TNS1: variants seen among roughly 807,000 people sequenced by gnomAD.
TNS1 encodes the protein tensin-1.
A neutral mutation model predicts 168.6 loss-of-function variants in TNS1; 62 were observed. The observed-to-expected ratio is 0.37, with a 90% CI of 0.30 to 0.45. The LOEUF is 0.45. Ranked by LOEUF, TNS1 falls within the 20% of genes least tolerant of loss-of-function variation. TNS1 has a pLI of 1.00. For missense variants in TNS1, 2,240 were observed against 2,339.4 expected, an observed-to-expected ratio of 0.96 and a Z score of 0.88; for synonymous variants, 934 against 933.2, an observed-to-expected ratio of 1.00 and a Z score of -0.02.
Position 218,032,691 on chromosome 2 carries a change from G to A in TNS1, c.156+1129C>T, listed in dbSNP as rs1958907405. ...AGTGAGGCCCCAGGTGATGGGTGCA[G>A]GCTGCTCTTCCCTAAACCCCTGAAG... On this transcript the variant is annotated intron_variant, in intron 1 of 1. Transcript: ENST00000649572. The surrounding 1 kb of genome is among the most constrained non-coding windows in gnomAD (Gnocchi z 4.0). Among the ~76,000 whole-genome samples the A allele has an allele frequency of 6.6e-6, 1 of 152,156 alleles. No individual in the cohort carries two copies. The highest frequency in any genetic ancestry group is 1.5e-5 in the Non-Finnish European group (1 of 68,014).
At position 217,984,647 on chromosome 2, in the gene TNS1, C is replaced by A. The variant is rs565801071; in HGVS notation, c.149-5845G>T. On this transcript the variant is annotated intron_variant, in intron 2 of 32. Coordinates refer to ENST00000682258, the MANE Select transcript of TNS1 (RefSeq NM_001387777.1). Reference sequence around the variant, plus strand: ...GGGACTACAGGTGTGCACCACCACACCCAGCTATTTTATTTTTTTATTTTG... The same window carrying A: ...GGGACTACAGGTGTGCACCACCACAACCAGCTATTTTATTTTTTTATTTTG... Among the ~76,000 whole-genome samples, 6 of 151,918 alleles carry A rather than the reference C, an allele frequency of 3.9e-5. No individual in the cohort carries two copies. In the East Asian group the frequency reaches 1.2e-3, roughly 29 times the overall value.
intron 18 of TNS1, among the ~76,000 whole-genome samples, chr2:217,874,990 A>T (rs1950089685): frequency 6.6e-6 from 1 of 152,160 alleles, no homozygotes; most frequent in South Asian, 2.1e-4. Context: ...CTCATCCTCT[A>T]TGCACAACTT....
At chr2:217,974,476 C>T (rs2126036567) in intron 3 of TNS1, among the ~76,000 whole-genome samples, 1 of 152,282 alleles carries the variant, frequency 6.6e-6, no homozygotes, top group East Asian at 1.9e-4. Context: ...GGCACTCCTA[C>T]TATGGACTAG....
rs549685449 is a variant in TNS1 at position 217,905,882 on chromosome 2, C to A, written c.321+453G>T. ...CCCATCTCCCAGCCTCCTCCTGAACCAATAGCATCTAAGCCACACAGTGGA... is the reference window on the plus strand; with the variant it reads ...CCCATCTCCCAGCCTCCTCCTGAACAAATAGCATCTAAGCCACACAGTGGA... On this transcript the variant is annotated intron_variant, in intron 6 of 32. Transcript: ENST00000682258. Among the ~76,000 whole-genome samples the A allele has an allele frequency of 2.6e-5, 4 of 152,330 alleles. No individual in the cohort carries two copies. In the South Asian group the frequency reaches 8.3e-4, roughly 32 times the overall value.
chr2:217,936,262 C>T (rs1956603604), intron 3 of TNS1, among the ~76,000 whole-genome samples: 1 of 152,156 alleles, frequency 6.6e-6, no homozygotes, highest in East Asian at 1.9e-4. Context: ...GTAAAGGAGG[C>T]CCCCAAAGGA....
At chr2:217,919,759 G>A (rs1303093445) in intron 4 of TNS1, among the ~76,000 whole-genome samples, 1 of 152,348 alleles carries the variant, frequency 6.6e-6, no homozygotes, top group South Asian at 2.1e-4. Context: ...GGGCTTAGAG[G>A]CAGAACAGAG....
intron 19 of TNS1, among the ~76,000 whole-genome samples, chr2:217,846,953 G>A (rs992327138): frequency 9.2e-5 from 14 of 152,212 alleles, no homozygotes; most frequent in South Asian, 2.1e-4. Context: ...ATACCCTCTC[G>A]GACTCTTTCA....
chr2:217,850,526 G>T (rs1947317788), intron 18 of TNS1: 2 of 984,576 alleles, frequency 2.0e-6, no homozygotes, highest in African/African-American at 3.5e-5. Flanking sequence ...CCCGCCCAGA[G>T]GAACTCAGTG....
chr2:217,966,011 C>T lies in TNS1; in HGVS notation c.186+12754G>A, dbSNP rs1957618687. 2.7e-5 allele frequency among the ~76,000 whole-genome samples: 4 copies of T among 150,940 alleles called. No homozygotes were observed. The South Asian group carries it at 8.4e-4, about 32-fold the overall frequency. On this transcript the variant is annotated intron_variant, in intron 3 of 32. Transcript: ENST00000682258. ...ACCAGGACCCCAGGACTTTCCTCTC[C>T]TCTCTCTCTCTCTCCATTCTCCATC...
chr2:217,821,808 C>T lies in TNS1; in HGVS notation c.3504G>A (p.Gly1168=), dbSNP rs780179865. The T allele has an allele frequency of 2.6e-6, 4 of 1,551,326 alleles. No homozygotes were observed. In the South Asian group the frequency reaches 4.9e-5, roughly 19 times the overall value. ...AYGHEIPLRN[G]TLGGSFVSPS... is the part of the protein sequence containing the mutation. The stretch of plus-strand genomic sequence containing the variant: ...GGGAGACAAAGGAGCCACCCAGGGT[C>T]CCGTTCCTCAGGGGTATCTCATGGC... The change falls in exon 23 of 33, where the codon GGG becomes GGA. Residue 1168 remains glycine, a synonymous_variant. Transcript: ENST00000682258.
At chr2:217,886,757 C>T (rs1951242456) in intron 12 of TNS1, 111 bp from the exon 13 acceptor site, 4 of 820,734 alleles carry the variant, frequency 4.9e-6, no homozygotes, top group Non-Finnish European at 8.0e-6. Context: ...ACTCTACCCT[C>T]TCCCCAACCA....
intron 19 of TNS1, among the ~76,000 whole-genome samples, chr2:217,839,869 G>A (rs927619684): frequency 1.3e-5 from 2 of 152,246 alleles, no homozygotes; most frequent in African/African-American, 2.4e-5. Context: ...GGATCCGGGA[G>A]GCCACCTGCT....
chr2:217,818,797 A>G, intron 23 of TNS1, 38 bp from the exon 24 acceptor site: 1 of 1,528,356 alleles, frequency 6.5e-7, no homozygotes, highest in Non-Finnish European at 8.9e-7. Context: ...CAGTGGACAG[A>G]ACTGAATGAA....
Position 217,818,462 on chromosome 2 carries a change from G to A in TNS1, c.3870C>T (p.Gly1290=), listed in dbSNP as rs1942282266. 6.2e-7 allele frequency: 1 copy of A among 1,614,162 alleles called. No homozygotes were observed. The highest frequency in any genetic ancestry group is 2.2e-5 in the East Asian group (1 of 44,884). The change falls in exon 24 of 33, where the codon GGC becomes GGT. Residue 1290 remains glycine, a synonymous_variant. Transcript: ENST00000682258. The stretch of plus-strand genomic sequence containing the variant: ...AGCCAGGACTAGGGGGAGTGTTGGT[G>A]CCCACTGTTCTGTGGCGCGCCTGAG... ...GSPQARHRTV[G]TNTPPSPGFG...
At position 217,803,798 on chromosome 2, in the gene TNS1, C is replaced by T. The variant is rs959252526; in HGVS notation, c.*661G>A. On this transcript the variant is annotated 3_prime_UTR_variant, in exon 33 of 33. Coordinates refer to ENST00000682258, the MANE Select transcript of TNS1 (RefSeq NM_001387777.1). Reference sequence around the variant, plus strand: ...CATGTGTGTCTACAAACACATGGGACAAGGACAAGCCGAGCTGTTTATAAT... The same window carrying T: ...CATGTGTGTCTACAAACACATGGGATAAGGACAAGCCGAGCTGTTTATAAT... 1 of 152,760 alleles carries T rather than the reference C, an allele frequency of 6.5e-6. No individual in the cohort carries two copies. 9.5% of individuals were successfully genotyped at this position (152,760 alleles called of 1,614,324 possible).
chr2:217,980,195 C>CA lies in TNS1; in HGVS notation c.149-1394dup, dbSNP rs568399187. Among the ~76,000 whole-genome samples the CA allele has an allele frequency of 1.1e-4, 17 of 152,216 alleles. No homozygotes were observed. The South Asian group carries it at 2.9e-3, about 26-fold the overall frequency. ...AGGCCTGTGACTCACCGGTGCTGAG[C>CA]AAGGTTTTCCTGACCCCACCAGCCA... On this transcript the variant is annotated intron_variant, in intron 2 of 32. Coordinates refer to ENST00000682258, the MANE Select transcript of TNS1 (RefSeq NM_001387777.1).
chr2:217,949,321 G>C (rs1428488725), intron 3 of TNS1, among the ~76,000 whole-genome samples: 1 of 152,212 alleles, frequency 6.6e-6, no homozygotes, highest in Non-Finnish European at 1.5e-5. Flanking sequence ...TAATTTTAAA[G>C]CAGGAAGGAC....
intron 18 of TNS1, among the ~76,000 whole-genome samples, chr2:217,868,608 G>A (rs1249635891): frequency 6.6e-6 from 1 of 152,256 alleles, no homozygotes; most frequent in Non-Finnish European, 1.5e-5. Context: ...TGAGCTAGGT[G>A]CCCATAGATG....
At chr2:217,981,057 C>A (rs1475360018) in intron 2 of TNS1, among the ~76,000 whole-genome samples, 1 of 152,182 alleles carries the variant, frequency 6.6e-6, no homozygotes, top group Non-Finnish European at 1.5e-5. Context: ...AATCTATCTC[C>A]CCACACTACA....
Sources: gnomAD v4.1 joint callset for allele counts (sites outside exome capture counted in the v4.1 genomes callset) on GRCh38, gnomAD v4.1.1 for gene constraint, Gnocchi (gnomAD v3.1) non-coding constraint, MANE v1.5 for transcripts, NCBI Gene and HGNC (gene_info 2026-07-23, HGNC 2026-07-21) for gene names.